GLYR1: variants seen among roughly 807,000 people sequenced by gnomAD.
GLYR1 encodes the protein glyoxylate reductase 1 homolog.
GLYR1 carries 21 observed loss-of-function variants against 72.7 expected under a neutral mutation model. The observed-to-expected ratio is 0.29, with a 90% CI of 0.20 to 0.42. The LOEUF (loss-of-function observed/expected upper bound fraction) is 0.42. Ranked by LOEUF, GLYR1 falls within the 10% of genes least tolerant of loss-of-function variation. GLYR1 has a pLI of 1.00. For synonymous variants in GLYR1, 392 were observed against 270.2 expected (o/e 1.45, Z -4.42); for missense variants, 594 against 712.1 (o/e 0.83, Z 1.89).
At chr16:4,847,058 A>T in intron 1 of GLYR1, 170 bp downstream of exon 1, 1 of 632,670 alleles carries the variant, frequency 1.6e-6, no homozygotes, top group South Asian at 1.9e-5. Context: ...GTCCCCCGGG[A>T]CTGGACTGCC....
intron 7 of GLYR1, 53 bp downstream of exon 7, chr16:4,822,822 G>GCACT: frequency 6.9e-7 from 1 of 1,443,756 alleles, no homozygotes; most frequent in South Asian, 1.1e-5. Flanking sequence ...CAGTGGAGGA[G>GCACT]CACTCCTTGG....
chr16:4,814,540 C>T lies in GLYR1; in HGVS notation c.1014G>A (p.Lys338=). ...FACVSDPKAA[K]DLVLGPSGVL... is the part of the protein sequence containing the mutation. Reference sequence around the variant, plus strand: ...AGGGGAGGGAGGGGGTCCTTACGTCCTTGGCCGCCTTGGGATCCGACACGC... The same window carrying T: ...AGGGGAGGGAGGGGGTCCTTACGTCTTTGGCCGCCTTGGGATCCGACACGC... The change falls in exon 11 of 16, where the codon AAG becomes AAA. Residue 338 remains lysine (K), a synonymous_variant. Transcript: ENST00000321919. 1.2e-6 allele frequency: 2 copies of T among 1,613,142 alleles called. No individual in the cohort carries two copies. Among genetic ancestry groups the T allele is most frequent in the Non-Finnish European group, 1.7e-6 (2 of 1,179,800 alleles).
Position 4,847,245 on chromosome 16 carries a change from C to T in GLYR1, c.21G>A (p.Arg7=), listed in dbSNP as rs760259696. The T allele has an allele frequency of 1.9e-6, 3 of 1,609,808 alleles. No homozygotes were observed. Among genetic ancestry groups the T allele is most frequent in the South Asian group, 1.1e-5 (1 of 90,792 alleles). ...GGACTCACCACACCAAGTCGCCGAG[C>T]CGCAGACTCACAGCCGCCATCTTAC... MAAVSL[R]LGDLVWGKLG... The change falls in exon 1 of 16, where the codon CGG becomes CGA. Residue 7 remains arginine, a synonymous_variant. Transcript: ENST00000321919.
intron 3 of GLYR1, among the ~76,000 whole-genome samples, chr16:4,834,267 G>T (rs2084980818): frequency 6.6e-6 from 1 of 150,724 alleles, no homozygotes; most frequent in Non-Finnish European, 1.5e-5. Context: ...CCCTGGCACA[G>T]CTCCAACTAG....
chr16:4,804,435 A>G lies in GLYR1; in HGVS notation c.*801T>C, dbSNP rs1226047210. On this transcript the variant is annotated 3_prime_UTR_variant, in exon 16 of 16. Transcript: ENST00000321919. ...ATGGAATGCAAATCCAAATACTAAA[A>G]CAGCCTAGGGAGGAGCGAGCGCCCG... 3.3e-5 allele frequency: 5 copies of G among 152,788 alleles called. No homozygotes were observed. The highest frequency in any genetic ancestry group is 1.2e-4 in the African/African-American group (5 of 41,444). The allele number at this position is 152,788 out of a possible 1,614,324, so 9.5% of individuals were successfully genotyped here.
chr16:4,831,663 ATTC>A (rs1224317168), intron 5 of GLYR1, among the ~76,000 whole-genome samples: 1 of 152,026 alleles, frequency 6.6e-6, no homozygotes, highest in Non-Finnish European at 1.5e-5. Flanking sequence ...GGTCTATGGG[ATTC>A]TTTATTTTTT....
chr16:4,832,472 G>C (rs2084862773), intron 4 of GLYR1: 1 of 588,542 alleles, frequency 1.7e-6, no homozygotes, highest in Non-Finnish European at 2.9e-6. Context: ...ATGTATTTCA[G>C]AGGCTATGCT....
chr16:4,812,333 A>G (rs1010700803), intron 12 of GLYR1, 85 bp from the exon 13 acceptor site: 3 of 1,416,604 alleles, frequency 2.1e-6, no homozygotes, highest in Non-Finnish European at 1.9e-6. Flanking sequence ...CTGAGTGGCC[A>G]CGGCTGCTCA....
In GLYR1 at chr16:4,812,616, C is replaced by T. The variant is rs569265303; in HGVS notation, c.1120-368G>A. Among the ~76,000 whole-genome samples the T allele has an allele frequency of 2.9e-3, 447 of 151,798 alleles. 2 individuals carry two copies. Among genetic ancestry groups the T allele is most frequent in the African/African-American group, 0.01 (424 of 41,382 alleles). Reference sequence around the variant, plus strand: ...CATGCCATTCTCCTGCCTCAGCCTCCCGAGTAACTGGGACTACAGGCGTCC... The same window carrying T: ...CATGCCATTCTCCTGCCTCAGCCTCTCGAGTAACTGGGACTACAGGCGTCC... On this transcript the variant is annotated intron_variant, in intron 12 of 15. Transcript: ENST00000321919.
At chr16:4,814,025 T>C (rs2083474726) in intron 11 of GLYR1, 187 bp from the exon 12 acceptor site, 2 of 487,524 alleles carry the variant, frequency 4.1e-6, no homozygotes, top group East Asian at 3.4e-5. Flanking sequence ...CATTTATCTT[T>C]AAAAAGAATC....
intron 4 of GLYR1, chr16:4,832,533 G>A (rs2084866657): frequency 1.7e-6 from 1 of 574,216 alleles, no homozygotes; most frequent in South Asian, 2.6e-5. Flanking sequence ...AGACTCAAAT[G>A]CTGAGATATT....
At chr16:4,846,365 A>G (rs2086059865) in intron 1 of GLYR1, among the ~76,000 whole-genome samples, 155 bp from the exon 2 acceptor site, 1 of 152,246 alleles carries the variant, frequency 6.6e-6, no homozygotes. Flanking sequence ...CCTCAGAAGT[A>G]AAATGCAAAA....
chr16:4,835,894 A>G (rs2085098288), intron 3 of GLYR1, among the ~76,000 whole-genome samples: 1 of 152,180 alleles, frequency 6.6e-6, no homozygotes, highest in African/African-American at 2.4e-5. Flanking sequence ...TCTTGAAAGC[A>G]AACCAAACTT....
chr16:4,833,974 G>C (rs1298403141), intron 3 of GLYR1, among the ~76,000 whole-genome samples: 1 of 152,216 alleles, frequency 6.6e-6, no homozygotes, highest in Non-Finnish European at 1.5e-5. Context: ...TCAGGTTAAG[G>C]ATACAGAAAC....
At chr16:4,817,269 G>A (rs376929079) in intron 10 of GLYR1, among the ~76,000 whole-genome samples, 6 of 151,298 alleles carry the variant, frequency 4.0e-5, no homozygotes, top group East Asian at 2.0e-4. Flanking sequence ...ACAGGTGCCC[G>A]CCACCACGCC....
chr16:4,830,691 G>A (rs369869347), intron 5 of GLYR1, among the ~76,000 whole-genome samples: 7 of 152,124 alleles, frequency 4.6e-5, no homozygotes, highest in East Asian at 1.9e-4. Context: ...ATCCTACCGC[G>A]TTCCTGACAC....
At chr16:4,817,846 A>T in intron 9 of GLYR1, 149 bp from the exon 10 acceptor site, 1 of 633,772 alleles carries the variant, frequency 1.6e-6, no homozygotes, top group Non-Finnish European at 2.8e-6. Flanking sequence ...CTACCTGCAG[A>T]GCCAGGGGCG....
chr16:4,833,090 A>C (rs1473263967), intron 3 of GLYR1, 178 bp from the exon 4 acceptor site: 1 of 480,368 alleles, frequency 2.1e-6, no homozygotes, highest in Non-Finnish European at 3.5e-6. Flanking sequence ...TCTAAAGTAT[A>C]TTTTCTTGAA....
chr16:4,827,458 C>T (rs1048384534), intron 5 of GLYR1, among the ~76,000 whole-genome samples: 5 of 152,142 alleles, frequency 3.3e-5, no homozygotes, highest in Non-Finnish European at 7.3e-5. Flanking sequence ...CACTATGGGC[C>T]AGGTGAAGCA....
Sources: allele counts gnomAD v4.1 joint callset (sites outside exome capture counted in the v4.1 genomes callset), GRCh38; gene constraint gnomAD v4.1.1; transcripts MANE v1.5; gene names NCBI Gene and HGNC (gene_info 2026-07-23, HGNC 2026-07-21).